ZBTB38: variants seen among roughly 807,000 people sequenced by gnomAD.
The protein encoded by ZBTB38 is zinc finger and BTB domain containing 38.
Under a neutral mutation model 76.8 loss-of-function variants are expected in ZBTB38, and 20 were observed. That is an observed-to-expected ratio of 0.26 (90% CI 0.18 to 0.38). The LOEUF is 0.38. Ranked by LOEUF, ZBTB38 falls within the 10% of genes least tolerant of loss-of-function variation. ZBTB38 has a pLI of 1.00. For synonymous variants in ZBTB38, 504 were observed against 544.2 expected (o/e 0.93, Z 1.03); for missense variants, 1,082 against 1,482.3 (o/e 0.73, Z 4.43).
chr3:141,388,485 G>A (rs1302554291), intron 4 of ZBTB38: 1 of 152,030 alleles, frequency 6.6e-6, no homozygotes, highest in African/African-American at 2.4e-5. Context: ...AAATGAAACC[G>A]AGCCCCTAGA....
chr3:141,443,494 AG>A lies in ZBTB38; in HGVS notation c.1107del (p.Glu369AspfsTer3). On this transcript the variant is annotated frameshift_variant, in exon 6 of 6. Transcript: ENST00000321464. LOFTEE classifies it high-confidence loss of function. The surrounding 1 kb of genome is among the most constrained non-coding windows in gnomAD (Gnocchi z 5.6). ...AHMQLHKPTQ[E>X]PLVCKYCNKQ... ...ATGCAGCTTCACAAGCCAACCCAGGAGCCTTTAGTGTGCAAGTATTGCAACA... is the reference window on the plus strand; with the variant it reads ...ATGCAGCTTCACAAGCCAACCCAGGACCTTTAGTGTGCAAGTATTGCAACA... 1 of 1,614,186 alleles carries A rather than the reference AG, an allele frequency of 6.2e-7. No individual in the cohort carries two copies. The highest frequency in any genetic ancestry group is 1.1e-5 in the South Asian group (1 of 91,084).
chr3:141,439,647 G>A (rs2079640504), intron 5 of ZBTB38, among the ~76,000 whole-genome samples: 1 of 152,208 alleles, frequency 6.6e-6, no homozygotes, highest in South Asian at 2.1e-4. Flanking sequence ...AATGGAAGCA[G>A]AGCCTAAAGG....
chr3:141,336,178 T>G (rs1007721873), intron 1 of ZBTB38, among the ~76,000 whole-genome samples: 5 of 152,210 alleles, frequency 3.3e-5, no homozygotes, highest in Admixed American at 6.5e-5. Context: ...CTTGCCTGAC[T>G]GCTGGTCGAT....
chr3:141,424,126 T>C (rs572626850), intron 5 of ZBTB38, among the ~76,000 whole-genome samples: 4 of 152,394 alleles, frequency 2.6e-5, no homozygotes, highest in African/African-American at 9.6e-5. Context: ...AATGGAAATT[T>C]ATTGATGATC....
intron 1 of ZBTB38, among the ~76,000 whole-genome samples, chr3:141,339,410 C>T (rs780531377): frequency 3.3e-5 from 5 of 152,026 alleles, no homozygotes; most frequent in Non-Finnish European, 5.9e-5. Flanking sequence ...CATCCTGGCT[C>T]CTATGTGGAG....
intron 1 of ZBTB38, among the ~76,000 whole-genome samples, chr3:141,345,349 A>G (rs989987130): frequency 2.0e-5 from 3 of 151,788 alleles, no homozygotes; most frequent in Admixed American, 6.6e-5. Context: ...CCACAGGGCT[A>G]CCCTTGGCTA....
rs1953349068 is a variant in ZBTB38 at position 141,404,012 on chromosome 3, G to T, written c.-20G>T. 1.3e-5 allele frequency: 2 copies of T among 152,146 alleles called. No individual in the cohort carries two copies. Among genetic ancestry groups the T allele is most frequent in the Non-Finnish European group, 2.9e-5 (2 of 68,024 alleles). 9.4% of individuals were successfully genotyped at this position (152,146 alleles called of 1,614,324 possible). ...AGCACAGGAATCTCACTCTGTTAAA[G>T]CTGGTCTGTTCTAACTGAGGTAACT... On this transcript the variant is annotated 5_prime_UTR_variant, in exon 5 of 6. Transcript: ENST00000321464.
At chr3:141,424,912 T>G (rs114556194) in intron 5 of ZBTB38, among the ~76,000 whole-genome samples, 1,738 of 152,356 alleles carry the variant, frequency 0.011, 34 homozygotes, top group African/African-American at 0.039. Context: ...GTAATAATAA[T>G]AATAGCTAAT....
At chr3:141,352,941 C>T (rs1276080059) in intron 1 of ZBTB38, among the ~76,000 whole-genome samples, 1 of 152,072 alleles carries the variant, frequency 6.6e-6, no homozygotes, top group Non-Finnish European at 1.5e-5. Context: ...GACTAAGCTG[C>T]CTTCAGTCTT....
intron 5 of ZBTB38, among the ~76,000 whole-genome samples, chr3:141,429,454 C>G (rs181255421): frequency 6.6e-6 from 1 of 151,918 alleles, no homozygotes; most frequent in Non-Finnish European, 1.5e-5. Flanking sequence ...TTTTTTTAGT[C>G]GGGGTGAGCC....
chr3:141,402,417 G>C (rs1333045407), intron 4 of ZBTB38: 4 of 151,594 alleles, frequency 2.6e-5, no homozygotes, highest in Non-Finnish European at 5.9e-5. Flanking sequence ...GGACCCCCGG[G>C]GAAACGCGCC....
chr3:141,335,984 A>G (rs1943005509), intron 1 of ZBTB38, among the ~76,000 whole-genome samples: 1 of 152,164 alleles, frequency 6.6e-6, no homozygotes, highest in Admixed American at 6.5e-5. Context: ...GGAAAATATC[A>G]TATATTCTTT....
chr3:141,377,158 G>A (rs1945493079), intron 2 of ZBTB38, among the ~76,000 whole-genome samples: 1 of 152,210 alleles, frequency 6.6e-6, no homozygotes, highest in Non-Finnish European at 1.5e-5. Flanking sequence ...CCTCAAAGAG[G>A]CCCAGCATCC....
intron 1 of ZBTB38, among the ~76,000 whole-genome samples, chr3:141,327,797 T>C (rs1461837719): frequency 6.6e-6 from 1 of 152,222 alleles, no homozygotes; most frequent in South Asian, 2.1e-4. Context: ...CTTTGTACTA[T>C]CTTGTCAACT....
At chr3:141,376,625 T>C (rs1206984507) in intron 2 of ZBTB38, among the ~76,000 whole-genome samples, 1 of 152,234 alleles carries the variant, frequency 6.6e-6, no homozygotes, top group East Asian at 1.9e-4. Flanking sequence ...GTTTGCCTTA[T>C]GTAAAACCCA....
upstream of ZBTB38, among the ~76,000 whole-genome samples, chr3:141,365,814 C>T (rs192024275): frequency 1.9e-3 from 285 of 152,188 alleles, no homozygotes; most frequent in Non-Finnish European, 3.5e-3. Context: ...TTACAAATTA[C>T]ATAATTCTGT....
At chr3:141,428,603 C>G (rs1577355500) in intron 5 of ZBTB38, among the ~76,000 whole-genome samples, 1 of 152,004 alleles carries the variant, frequency 6.6e-6, no homozygotes, top group African/African-American at 2.4e-5. Context: ...TTCTCCTGTC[C>G]CAGCCTCCCG....
At position 141,442,881 on chromosome 3, in the gene ZBTB38, ACAAAT is replaced by A. The variant is rs2080543891; in HGVS notation, c.494_498del (p.Thr165SerfsTer10). On this transcript the variant is annotated frameshift_variant, in exon 6 of 6. Transcript: ENST00000321464. LOFTEE classifies it high-confidence loss of function. This position sits in a 1 kb window ranked among gnomAD's most constrained non-coding sequence, Gnocchi z 6.4. Reference sequence around the variant, plus strand: ...AGCCATCACTAATGGGCCAAGGATCACAAATGCATTTTCCATCATCGAAACAGAAA... The same window carrying A: ...AGCCATCACTAATGGGCCAAGGATCAGCATTTTCCATCATCGAAACAGAAA... 6.2e-7 allele frequency: 1 copy of A among 1,614,132 alleles called. No homozygotes were observed. The highest frequency in any genetic ancestry group is 8.5e-7 in the Non-Finnish European group (1 of 1,180,044).
At chr3:141,338,129 G>T (rs981708325) in intron 1 of ZBTB38, among the ~76,000 whole-genome samples, 2 of 152,134 alleles carry the variant, frequency 1.3e-5, no homozygotes, top group Non-Finnish European at 2.9e-5. Flanking sequence ...TTATTAAAAA[G>T]TCTAAAAATA....
Sources: gnomAD v4.1 joint callset for allele counts (sites outside exome capture counted in the v4.1 genomes callset) on GRCh38, gnomAD v4.1.1 for gene constraint, Gnocchi (gnomAD v3.1) non-coding constraint, MANE v1.5 for transcripts, NCBI Gene and HGNC (gene_info 2026-07-23, HGNC 2026-07-21) for gene names.